The following ATG14 variants were observed in gnomAD, a reference collection of about 807,000 sequenced individuals.
ATG14 encodes beclin 1-associated autophagy-related key regulator.
Under a neutral mutation model 60.4 loss-of-function variants are expected in ATG14, and 35 were observed. The ratio of observed to expected loss-of-function variants is 0.58; its 90% CI spans 0.44 to 0.77. The LOEUF (loss-of-function observed/expected upper bound fraction) is 0.77, where lower values mean the gene tolerates loss of function less well. Ranked by LOEUF, ATG14 falls within the 30% of genes least tolerant of loss-of-function variation. ATG14 has a pLI of 0.00. For synonymous variants in ATG14, 234 were observed against 228.8 expected (o/e 1.02, Z -0.21); for missense variants, 647 against 626.3 (o/e 1.03, Z -0.35).
chr14:55,402,621 G>C (rs1427040525), intron 1 of ATG14, among the ~76,000 whole-genome samples: 1 of 151,690 alleles, frequency 6.6e-6, no homozygotes, highest in Non-Finnish European at 1.5e-5. Flanking sequence ...AATCATACAA[G>C]AGTATGATTT....
chr14:55,371,222 G>C (rs1314967119), intron 9 of ATG14, among the ~76,000 whole-genome samples: 2 of 152,184 alleles, frequency 1.3e-5, no homozygotes, highest in African/African-American at 4.8e-5. Flanking sequence ...TGAGAGCCTA[G>C]AATCGTATAG....
intron 1 of ATG14, among the ~76,000 whole-genome samples, chr14:55,400,772 C>T (rs765207847): frequency 3.0e-4 from 45 of 151,986 alleles, no homozygotes; most frequent in Non-Finnish European, 3.1e-4. Context: ...GGTGTGGTGG[C>T]GGGCACCTGT....
intron 9 of ATG14, among the ~76,000 whole-genome samples, chr14:55,375,286 GGTT>G (rs1231269496): frequency 2.6e-5 from 4 of 152,088 alleles, no homozygotes; most frequent in African/African-American, 9.7e-5. Context: ...TTTCCAAACT[GGTT>G]GTTGTTGGCA....
In ATG14 at chr14:55,395,954, T is replaced by C. The variant is rs775046922; in HGVS notation, c.313A>G (p.Ile105Val). 1 of 1,595,772 alleles carries C rather than the reference T, an allele frequency of 6.3e-7. No individual in the cohort carries two copies. The highest frequency in any genetic ancestry group is 8.5e-7 in the Non-Finnish European group (1 of 1,172,760). Residue 105 changes from isoleucine (I) to valine (V), a missense_variant, in exon 3 of 10, where the codon ATA becomes GTA. Transcript: ENST00000247178. Reference sequence around the variant, plus strand: ...TTACAACTTACCAACTGATCTGTTATCCATTTTCCTTCCATAGCTTTTAAC... The same window carrying C: ...TTACAACTTACCAACTGATCTGTTACCCATTTTCCTTCCATAGCTTTTAAC... ...EVLKAMEGKW[I>V]TDQLRWKIMS...
At chr14:55,409,828 G>A (rs1885543648) in intron 1 of ATG14, among the ~76,000 whole-genome samples, 1 of 152,196 alleles carries the variant, frequency 6.6e-6, no homozygotes, top group Non-Finnish European at 1.5e-5. Flanking sequence ...GAACAGAAAT[G>A]GAGGAGTAGC....
intron 1 of ATG14, among the ~76,000 whole-genome samples, chr14:55,402,072 T>C (rs1404536338): frequency 6.6e-6 from 1 of 151,960 alleles, no homozygotes; most frequent in Non-Finnish European, 1.5e-5. Context: ...AAATCTGCCT[T>C]ATATTACCAG....
intron 9 of ATG14, among the ~76,000 whole-genome samples, chr14:55,376,021 G>A (rs1400531964): frequency 2.0e-5 from 3 of 152,164 alleles, no homozygotes; most frequent in Admixed American, 2.0e-4. Flanking sequence ...GCATCTATCA[G>A]GTCGATCTTA....
rs553093302 is a variant in ATG14, at chr14:55,393,342, G to A, written c.328-2350C>T. Among the ~76,000 whole-genome samples the A allele has an allele frequency of 2.1e-4, 32 of 151,744 alleles. 1 individual carries two copies. Among genetic ancestry groups the A allele is most frequent in the Admixed American group, 3.9e-4 (6 of 15,218 alleles). ...GGAGGTTGCAGTGAGCCGAGATCGC[G>A]CCACTGCACTCCAGCCTGGGTGACA... On this transcript the variant is annotated intron_variant, in intron 3 of 9. Transcript: ENST00000247178.
intron 9 of ATG14, among the ~76,000 whole-genome samples, chr14:55,370,642 TTTC>T (rs1027412733): frequency 1.3e-5 from 2 of 151,852 alleles, no homozygotes; most frequent in African/African-American, 4.8e-5. Context: ...CCTTTCTGCA[TTTC>T]TTTTTTTTTT....
Position 55,391,133 on chromosome 14 carries a change from A to G in ATG14, c.328-141T>C, listed in dbSNP as rs184198685. 95 of 585,442 alleles carry G rather than the reference A, an allele frequency of 1.6e-4. No homozygotes were observed. The African/African-American group carries it at 1.6e-3, about 10-fold the overall frequency. 36.3% of individuals were successfully genotyped at this position (585,442 alleles called of 1,614,324 possible). A position where few individuals can be genotyped will look rare whatever the true frequency, so the allele number is the denominator to read the frequency against. On this transcript the variant is annotated intron_variant, in intron 3 of 9. Transcript: ENST00000247178. Reference sequence around the variant, plus strand: ...ACCTTATGTTATAGCTTTTGTAACTATGGAACATTACGAAAAAGAGAACGA... The same window carrying G: ...ACCTTATGTTATAGCTTTTGTAACTGTGGAACATTACGAAAAAGAGAACGA...
chr14:55,401,739 G>A (rs912022405), intron 1 of ATG14, among the ~76,000 whole-genome samples: 4 of 152,138 alleles, frequency 2.6e-5, no homozygotes, highest in Admixed American at 1.3e-4. Context: ...GGAGAAGGGT[G>A]CTCGCACACA....
In ATG14 at chr14:55,366,443, T is replaced by C. The variant is rs1438618982; in HGVS notation, c.*3176A>G. 6.6e-6 allele frequency: 1 copy of C among 152,632 alleles called. No homozygotes were observed. The highest frequency in any genetic ancestry group is 2.4e-5 in the African/African-American group (1 of 41,442). 9.5% of individuals were successfully genotyped at this position (152,632 alleles called of 1,614,324 possible). ...ACAATAAAAGTTTAGAAAACATTTGTATGACTCAAACTGGTTTGGAAGTTG... is the reference window on the plus strand; with the variant it reads ...ACAATAAAAGTTTAGAAAACATTTGCATGACTCAAACTGGTTTGGAAGTTG... On this transcript the variant is annotated 3_prime_UTR_variant, in exon 10 of 10. Coordinates refer to ENST00000247178, the MANE Select transcript of ATG14 (RefSeq NM_014924.5).
At position 55,369,972 on chromosome 14, in the gene ATG14, A is replaced by C. The variant is rs772478901; in HGVS notation, c.1173-47T>G. On this transcript the variant is annotated intron_variant, in intron 9 of 9. Coordinates refer to ENST00000247178, the MANE Select transcript of ATG14 (RefSeq NM_014924.5). ...CTCTTTAGGATAACAACCATTCTCAACACCAGAAAATATGCCATCTTCCTG... is the reference window on the plus strand; with the variant it reads ...CTCTTTAGGATAACAACCATTCTCACCACCAGAAAATATGCCATCTTCCTG... 4 of 1,514,938 alleles carry C rather than the reference A, an allele frequency of 2.6e-6. No homozygotes were observed. In the Admixed American group the frequency reaches 6.2e-5, roughly 24 times the overall value. 93.8% of individuals were successfully genotyped at this position (1,514,938 alleles called of 1,614,324 possible). A position where few individuals can be genotyped will look rare whatever the true frequency, so the allele number is the denominator to read the frequency against.
At chr14:55,410,484 A>G (rs1218301750) in intron 1 of ATG14, among the ~76,000 whole-genome samples, 4 of 152,224 alleles carry the variant, frequency 2.6e-5, no homozygotes, top group Non-Finnish European at 2.9e-5. Flanking sequence ...AGTCATCAAG[A>G]GCACCAATAA....
intron 9 of ATG14, among the ~76,000 whole-genome samples, chr14:55,371,173 G>A (rs895350771): frequency 1.3e-5 from 2 of 152,148 alleles, no homozygotes; most frequent in African/African-American, 4.8e-5. Context: ...AACGACTTTG[G>A]GGAAAATAGG....
At position 55,385,863 on chromosome 14, in the gene ATG14, C is replaced by T. The variant is rs766493523; in HGVS notation, c.643G>A (p.Val215Met). The stretch of plus-strand genomic sequence containing the variant: ...CAAAAGACTTGCTTAATGTACCTCA[C>T]ACCCGTCTTTACTTCCTCGATTGGA... ...IFPIEEVKTG[V>M]RDPADVSSES... is the part of the protein sequence containing the mutation. The change falls in exon 5 of 10, where the codon GTG becomes ATG. Residue 215 changes from valine (V) to methionine (M), a missense_variant. Transcript: ENST00000247178. 6.2e-7 allele frequency: 1 copy of T among 1,609,352 alleles called. No homozygotes were observed. The highest frequency in any genetic ancestry group is 8.5e-7 in the Non-Finnish European group (1 of 1,177,214).
chr14:55,406,300 C>T (rs562559435), intron 1 of ATG14, among the ~76,000 whole-genome samples: 2 of 152,218 alleles, frequency 1.3e-5, no homozygotes, highest in South Asian at 4.1e-4. Context: ...CAGGCACAGA[C>T]GGTTTGGCTA....
Position 55,385,893 on chromosome 14 carries a change from T to C in ATG14, c.613A>G (p.Ile205Val), listed in dbSNP as rs1885117156. The C allele has an allele frequency of 1.9e-6, 3 of 1,612,924 alleles. No homozygotes were observed. The highest frequency in any genetic ancestry group is 1.7e-6 in the Non-Finnish European group (2 of 1,179,360). ...RSHILELTSV[I>V]FPIEEVKTGV... ...GTCTTTACTTCCTCGATTGGAAAAA[T>C]GACAGAGGTGAGCTCTAATATATGG... Residue 205 changes from isoleucine (I) to valine (V), a missense_variant, in exon 5 of 10, where the codon ATT becomes GTT. Physicochemically the swap from Ile to Val is conservative, Grantham distance 29. Transcript: ENST00000247178.
chr14:55,385,355 C>T (rs544275535), intron 5 of ATG14, among the ~76,000 whole-genome samples: 132 of 152,216 alleles, frequency 8.7e-4, no homozygotes, highest in Admixed American at 1.7e-3. Context: ...TGCAGTGACA[C>T]AATCTTGGCT....
Sources: gnomAD v4.1 joint callset for allele counts (sites outside exome capture counted in the v4.1 genomes callset) on GRCh38, gnomAD v4.1.1 for gene constraint, MANE v1.5 for transcripts, NCBI Gene and HGNC (gene_info 2026-07-23, HGNC 2026-07-21) for gene names.